The following LSAMP variants were observed in gnomAD, a reference collection of about 807,000 sequenced individuals.
The protein encoded by LSAMP is limbic system-associated membrane protein.
LSAMP carries 7 observed loss-of-function variants against 38.6 expected under a neutral mutation model. The ratio of observed to expected loss-of-function variants is 0.18; its 90% CI spans 0.10 to 0.34. The LOEUF (loss-of-function observed/expected upper bound fraction) is 0.34, where lower values mean the gene tolerates loss of function less well. Ranked by LOEUF, LSAMP falls within the 10% of genes least tolerant of loss-of-function variation. The pLI, the probability that LSAMP is intolerant of heterozygous loss-of-function variation, is 1.00. For missense variants in LSAMP, 313 were observed against 420.0 expected, an observed-to-expected ratio of 0.75 and a Z score of 2.23; for synonymous variants, 154 against 166.8, an observed-to-expected ratio of 0.92 and a Z score of 0.59.
At chr3:116,207,920 T>C (rs2046093378) in intron 1 of LSAMP, among the ~76,000 whole-genome samples, 1 of 149,610 alleles carries the variant, frequency 6.7e-6, no homozygotes, top group Non-Finnish European at 1.5e-5. Flanking sequence ...TGGCGTTCTC[T>C]GTATTTCCTG....
chr3:116,278,229 CT>C (rs1319897973), intron 1 of LSAMP, among the ~76,000 whole-genome samples: 1 of 152,126 alleles, frequency 6.6e-6, no homozygotes, highest in Admixed American at 6.6e-5. Context: ...CTGAAATAAG[CT>C]TTTCCTTTCA....
intron 2 of LSAMP, among the ~76,000 whole-genome samples, chr3:116,032,487 G>T (rs977195063): frequency 6.6e-6 from 1 of 152,030 alleles, no homozygotes; most frequent in Non-Finnish European, 1.5e-5. Flanking sequence ...AAGATGAAAG[G>T]AAAGCTTTGA....
chr3:116,169,896 G>A (rs1387150676), intron 1 of LSAMP, among the ~76,000 whole-genome samples: 2 of 152,086 alleles, frequency 1.3e-5, no homozygotes, highest in South Asian at 2.1e-4. Flanking sequence ...TAAAACAAGT[G>A]GGCATGAGTG....
chr3:115,992,315 G>C (rs1028128824), intron 3 of LSAMP, among the ~76,000 whole-genome samples: 1 of 151,802 alleles, frequency 6.6e-6, no homozygotes, highest in East Asian at 1.9e-4. Flanking sequence ...GGAGGGTAAG[G>C]GTGTCCAAGT....
At chr3:116,095,587 C>T (rs889158571) in intron 1 of LSAMP, among the ~76,000 whole-genome samples, 1 of 152,164 alleles carries the variant, frequency 6.6e-6, no homozygotes, top group African/African-American at 2.4e-5. Context: ...ACTGTGCCAT[C>T]TCTACATTCA....
intron 1 of LSAMP, among the ~76,000 whole-genome samples, chr3:116,441,188 A>C (rs1424025251): frequency 6.6e-6 from 1 of 152,230 alleles, no homozygotes; most frequent in Non-Finnish European, 1.5e-5. Context: ...AACTGGGAAC[A>C]ATGTTATTAT....
chr3:115,856,315 G>A (rs1346370883), intron 3 of LSAMP, among the ~76,000 whole-genome samples: 1 of 152,074 alleles, frequency 6.6e-6, no homozygotes, highest in Non-Finnish European at 1.5e-5. Context: ...TGAGATTAGT[G>A]CCCTTATAAA....
intron 1 of LSAMP, among the ~76,000 whole-genome samples, chr3:116,095,357 A>AG (rs1231423588): frequency 6.6e-6 from 1 of 152,248 alleles, no homozygotes; most frequent in Non-Finnish European, 1.5e-5. Flanking sequence ...CTATCACTAA[A>AG]GAACACCTTG....
At chr3:115,853,734 C>G (rs1398132185) in intron 3 of LSAMP, among the ~76,000 whole-genome samples, 1 of 152,148 alleles carries the variant, frequency 6.6e-6, no homozygotes, top group Non-Finnish European at 1.5e-5. Flanking sequence ...GACTTCAACT[C>G]TAGCTAAACT....
chr3:116,020,384 T>C lies in LSAMP; in HGVS notation c.389-744A>G, dbSNP rs185985122. Among the ~76,000 whole-genome samples, 424 of 152,300 alleles carry C rather than the reference T, an allele frequency of 2.8e-3. 4 individuals are homozygous for C. The highest frequency in any genetic ancestry group is 9.7e-3 in the African/African-American group (405 of 41,568). ...AACCCAACATAGAGTATTTAACAAATATTACTTCAATAACTTCTTACAATA... is the reference window on the plus strand; with the variant it reads ...AACCCAACATAGAGTATTTAACAAACATTACTTCAATAACTTCTTACAATA... On this transcript the variant is annotated intron_variant, in intron 2 of 6. Coordinates refer to ENST00000490035, the MANE Select transcript of LSAMP (RefSeq NM_002338.5).
At chr3:116,014,139 T>C (rs916557529) in intron 3 of LSAMP, among the ~76,000 whole-genome samples, 1 of 152,224 alleles carries the variant, frequency 6.6e-6, no homozygotes, top group African/African-American at 2.4e-5. Context: ...GAAAGTCATA[T>C]GCATTTAGCA....
chr3:115,862,104 G>GT lies in LSAMP; in HGVS notation c.515-9488dup, dbSNP rs573088887. Among the ~76,000 whole-genome samples the GT allele has an allele frequency of 9.1e-4, 138 of 152,304 alleles. 1 individual carries two copies. Among genetic ancestry groups the GT allele is most frequent in the African/African-American group, 2.9e-3 (121 of 41,568 alleles). ...TCTTAAAACCTGGGGGCAGGGGGTTGTTTGGCAGGGACAAATATTAGAATT... is the reference window on the plus strand; with the variant it reads ...TCTTAAAACCTGGGGGCAGGGGGTTGTTTTGGCAGGGACAAATATTAGAATT... On this transcript the variant is annotated intron_variant, in intron 3 of 6. Coordinates refer to ENST00000490035, the MANE Select transcript of LSAMP (RefSeq NM_002338.5).
chr3:115,920,847 T>C (rs1221442362), intron 3 of LSAMP, among the ~76,000 whole-genome samples: 1 of 152,046 alleles, frequency 6.6e-6, no homozygotes, highest in Non-Finnish European at 1.5e-5. Context: ...GTTCTATCAA[T>C]ATTTGCTTCA....
intron 1 of LSAMP, among the ~76,000 whole-genome samples, chr3:116,118,724 G>T (rs1317871242): frequency 6.6e-6 from 1 of 152,128 alleles, no homozygotes; most frequent in Non-Finnish European, 1.5e-5. Context: ...ATAAAGAGTA[G>T]GAGGTAAATA....
intron 2 of LSAMP, among the ~76,000 whole-genome samples, chr3:116,050,585 C>G (rs1941378790): frequency 6.6e-6 from 1 of 151,866 alleles, no homozygotes; most frequent in Non-Finnish European, 1.5e-5. Context: ...GTGCTTTAGC[C>G]TAGAAAAGCA....
At chr3:116,398,254 A>G (rs1427542672) in intron 1 of LSAMP, among the ~76,000 whole-genome samples, 1 of 152,168 alleles carries the variant, frequency 6.6e-6, no homozygotes, top group African/African-American at 2.4e-5. Context: ...TAGTTAGATA[A>G]TAATATCTGT....
At chr3:116,251,229 A>T (rs2046680716) in intron 1 of LSAMP, among the ~76,000 whole-genome samples, 1 of 152,244 alleles carries the variant, frequency 6.6e-6, no homozygotes, top group Admixed American at 6.5e-5. Flanking sequence ...CATCTGATTA[A>T]ACATCAATTT....
At chr3:116,376,723 C>CA (rs1232981702) in intron 1 of LSAMP, among the ~76,000 whole-genome samples, 3 of 152,024 alleles carry the variant, frequency 2.0e-5, no homozygotes, top group Non-Finnish European at 4.4e-5. Context: ...AGAAAGAAAA[C>CA]ACATTTCAAA....
chr3:116,015,496 G>T (rs1387184961), intron 3 of LSAMP, among the ~76,000 whole-genome samples: 1 of 152,000 alleles, frequency 6.6e-6, no homozygotes, highest in Non-Finnish European at 1.5e-5. Context: ...CTTAATTAAG[G>T]GAGAAAATAG....
Sources: gnomAD v4.1 joint callset for allele counts (sites outside exome capture counted in the v4.1 genomes callset) on GRCh38, gnomAD v4.1.1 for gene constraint, MANE v1.5 for transcripts, NCBI Gene and HGNC (gene_info 2026-07-23, HGNC 2026-07-21) for gene names.